Variants in PCDHA6 observed in about 807,000 individuals in gnomAD.
PCDHA6 encodes protocadherin alpha-6.
A neutral mutation model predicts 60.3 loss-of-function variants in PCDHA6; 55 were observed. The ratio of observed to expected loss-of-function variants is 0.91; its 90% CI spans 0.73 to 1.14. The LOEUF is 1.14. PCDHA6 is among the 50% of genes most tolerant of loss of function. PCDHA6 has a pLI of 0.00. For missense variants in PCDHA6, 1,327 were observed against 1,256.5 expected, an observed-to-expected ratio of 1.06 and a Z score of -0.85; for synonymous variants, 652 against 557.9, an observed-to-expected ratio of 1.17 and a Z score of -2.38.
In PCDHA6 at chr5:141,000,775, C is replaced by T. The variant is rs919489031; in HGVS notation, c.2543-8852C>T. 3.3e-5 allele frequency among the ~76,000 whole-genome samples: 5 copies of T among 151,752 alleles called. No homozygotes were observed. In the East Asian group the frequency reaches 5.8e-4, roughly 18 times the overall value. On this transcript the variant is annotated intron_variant, in intron 3 of 3. Transcript: ENST00000529310. ...AAAAAATCTTAGCCAGGCATAGTGG[C>T]GCACACCTGTATTCCTAGCTACTCA...
At chr5:140,957,109 T>C (rs2095334016) in intron 1 of PCDHA6, among the ~76,000 whole-genome samples, 1 of 152,174 alleles carries the variant, frequency 6.6e-6, no homozygotes, top group Non-Finnish European at 1.5e-5. Context: ...ATGGACATGA[T>C]TCTGTGTGTT....
Position 140,858,425 on chromosome 5 carries a change from C to A in PCDHA6, c.2394+27940C>A, listed in dbSNP as rs373682195. Reference sequence around the variant, plus strand: ...GGAAGATCAGTCTATTGGAGGGGACCACTCTAGGAAGGTGGGTTATTACGT... The same window carrying A: ...GGAAGATCAGTCTATTGGAGGGGACAACTCTAGGAAGGTGGGTTATTACGT... On this transcript the variant is annotated intron_variant, in intron 1 of 3. Coordinates refer to ENST00000529310, the MANE Select transcript of PCDHA6 (RefSeq NM_018909.4). The A allele has an allele frequency of 1.2e-5, 18 of 1,552,696 alleles. 1 individual carries two copies. In the African/African-American group the frequency reaches 2.3e-4, roughly 20 times the overall value.
chr5:140,920,722 C>T (rs2079784294), intron 1 of PCDHA6, among the ~76,000 whole-genome samples: 1 of 151,872 alleles, frequency 6.6e-6, no homozygotes, highest in Non-Finnish European at 1.5e-5. Context: ...TGTGCGCCTG[C>T]AGTCCCAGCT....
chr5:140,873,441 TAAC>T (rs1439420468), intron 1 of PCDHA6, among the ~76,000 whole-genome samples: 3 of 152,200 alleles, frequency 2.0e-5, no homozygotes, highest in Non-Finnish European at 2.9e-5. Context: ...ATCACATAAA[TAAC>T]AAATTTGCAT....
At chr5:140,869,582 C>T (rs936485472) in intron 1 of PCDHA6, 7 of 1,614,088 alleles carry the variant, frequency 4.3e-6, no homozygotes, top group Middle Eastern at 1.6e-4. Context: ...GCTTCTGATG[C>T]TGACATTGAA....
chr5:140,875,525 T>C, intron 1 of PCDHA6: 1 of 1,614,132 alleles, frequency 6.2e-7, no homozygotes, highest in Non-Finnish European at 8.5e-7. Flanking sequence ...CTGCTCTCGC[T>C]TCTGCTCCTT....
At chr5:140,875,841 G>A in intron 1 of PCDHA6, 2 of 1,614,164 alleles carry the variant, frequency 1.2e-6, no homozygotes, top group Non-Finnish European at 1.7e-6. Flanking sequence ...ACGTGGAGGT[G>A]AAGGACATTA....
chr5:140,886,705 A>T (rs1293719338), intron 1 of PCDHA6, among the ~76,000 whole-genome samples: 3 of 152,058 alleles, frequency 2.0e-5, no homozygotes, highest in Non-Finnish European at 2.9e-5. Flanking sequence ...ACGCGCCTGT[A>T]ATCCCAGCTA....
In PCDHA6 at chr5:140,966,984, G is replaced by A. The variant is rs1217682338; in HGVS notation, c.2395-11965G>A. 4.4e-6 allele frequency: 7 copies of A among 1,603,802 alleles called. No individual in the cohort carries two copies. In the Admixed American group the frequency reaches 5.0e-5, roughly 11 times the overall value. Reference sequence around the variant, plus strand: ...CTGGGGCTTGAGCTGCGGCGCTTGGGGCCGGGTTGCTTGCGCATCAACCAT... The same window carrying A: ...CTGGGGCTTGAGCTGCGGCGCTTGGAGCCGGGTTGCTTGCGCATCAACCAT... On this transcript the variant is annotated intron_variant, in intron 1 of 3. Transcript: ENST00000529310.
intron 3 of PCDHA6, among the ~76,000 whole-genome samples, chr5:140,984,755 A>G (rs1554246508): frequency 6.6e-6 from 1 of 152,172 alleles, no homozygotes; most frequent in Admixed American, 6.5e-5. Flanking sequence ...TTTGAGTTGA[A>G]TTCTAATCCC....
chr5:140,999,594 A>G (rs1279617761), intron 3 of PCDHA6, among the ~76,000 whole-genome samples: 25 of 152,186 alleles, frequency 1.6e-4, no homozygotes, highest in Admixed American at 1.4e-3. Flanking sequence ...TGCCTTCCCT[A>G]CATCCTGGGG....
chr5:140,868,170 A>G (rs926308746), intron 1 of PCDHA6: 1 of 152,132 alleles, frequency 6.6e-6, no homozygotes, highest in Non-Finnish European at 1.5e-5. Flanking sequence ...CTAAATTTTG[A>G]TATCTCATAT....
chr5:140,910,551 T>G (rs1330218807), intron 1 of PCDHA6, among the ~76,000 whole-genome samples: 1 of 152,178 alleles, frequency 6.6e-6, no homozygotes, highest in East Asian at 1.9e-4. Flanking sequence ...TTGCAAAGTA[T>G]TAGTCAAGGA....
At chr5:140,938,699 A>G (rs1418739484) in intron 1 of PCDHA6, among the ~76,000 whole-genome samples, 4 of 152,128 alleles carry the variant, frequency 2.6e-5, no homozygotes, top group African/African-American at 4.8e-5. Context: ...TTTTAAATAT[A>G]TGTTTATGAT....
At chr5:140,870,385 G>C (rs548890657) in intron 1 of PCDHA6, 2 of 1,614,240 alleles carry the variant, frequency 1.2e-6, no homozygotes, top group African/African-American at 2.7e-5. Context: ...GACTGCGCGG[G>C]ATGGGGGTTC....
At chr5:140,927,533 C>T in intron 1 of PCDHA6, 1 of 1,614,102 alleles carries the variant, frequency 6.2e-7, no homozygotes, top group Non-Finnish European at 8.5e-7. Flanking sequence ...CCTGCCCGCT[C>T]AGGAGACGCA....
intron 1 of PCDHA6, among the ~76,000 whole-genome samples, chr5:140,897,315 T>C (rs980857290): frequency 6.8e-6 from 1 of 147,686 alleles, no homozygotes; most frequent in Non-Finnish European, 1.5e-5. Context: ...GTATATCTCC[T>C]AAAGCTATCC....
rs782463268 is a variant in PCDHA6, at chr5:140,941,198, TCTTCCTTTCTTTCTTC to T, written c.2395-37747_2395-37732del. On this transcript the variant is annotated intron_variant, in intron 1 of 3. Transcript: ENST00000529310. ...AACATCCTGCTTCTTTTTTTTTCTTTCTTCCTTTCTTTCTTCCTTTCTTTCTTTCTTTCTTTCTTTC... is the reference window on the plus strand; with the variant it reads ...AACATCCTGCTTCTTTTTTTTTCTTTCTTTCTTTCTTTCTTTCTTTCTTTC... 2.9e-3 allele frequency among the ~76,000 whole-genome samples: 353 copies of T among 119,898 alleles called. 1 individual carries two copies. Among genetic ancestry groups the T allele is most frequent in the African/African-American group, 8.8e-3 (254 of 28,982 alleles). The allele number at this position is 119,898 out of a possible 152,430, so 78.7% of individuals were successfully genotyped here.
intron 1 of PCDHA6, among the ~76,000 whole-genome samples, chr5:140,901,961 C>T (rs62384485): frequency 2.0e-5 from 3 of 151,946 alleles, no homozygotes; most frequent in Non-Finnish European, 2.9e-5. Flanking sequence ...TCGTGGCTAT[C>T]GTAAATGGGA....
Sources: gnomAD v4.1 joint callset for allele counts (sites outside exome capture counted in the v4.1 genomes callset) on GRCh38, gnomAD v4.1.1 for gene constraint, MANE v1.5 for transcripts, NCBI Gene and HGNC (gene_info 2026-07-23, HGNC 2026-07-21) for gene names.